Variants in MAGI2 observed in about 807,000 individuals in gnomAD.
MAGI2 encodes membrane associated guanylate kinase, WW and PDZ domain containing 2, also known as membrane-associated guanylate kinase, WW and PDZ domain-containing protein 2.
In MAGI2, 35 loss-of-function variants were observed where a neutral mutation model predicts 133.3. The observed-to-expected ratio is 0.26, with a 90% CI of 0.20 to 0.35. The LOEUF (loss-of-function observed/expected upper bound fraction) is 0.35, where lower values mean the gene tolerates loss of function less well. Among genes scored for constraint, MAGI2 ranks in the 10% least tolerant of loss-of-function variants. The pLI, the probability that MAGI2 is intolerant of heterozygous loss-of-function variation, is 1.00. For synonymous variants in MAGI2, 729 were observed against 710.6 expected, an observed-to-expected ratio of 1.03 and a Z score of -0.41; for missense variants, 1,636 against 1,863.4, an observed-to-expected ratio of 0.88 and a Z score of 2.25.
chr7:79,267,181 G>A (rs1004820068), intron 1 of MAGI2, among the ~76,000 whole-genome samples: 3 of 152,212 alleles, frequency 2.0e-5, no homozygotes, highest in East Asian at 1.9e-4. Flanking sequence ...GGGAGCTCAG[G>A]TCTTAAGTGT....
rs1807866183 is a variant in MAGI2, at chr7:78,017,116, C to T, written c.*2199G>A. ...TTTATTTGACAGTGTTTTAGAATATCATACAGTAAACAAGATTTCTGTAAA... is the reference window on the plus strand; with the variant it reads ...TTTATTTGACAGTGTTTTAGAATATTATACAGTAAACAAGATTTCTGTAAA... On this transcript the variant is annotated 3_prime_UTR_variant, in exon 22 of 22. Transcript: ENST00000354212. The T allele has an allele frequency of 6.6e-6, 1 of 152,616 alleles. No homozygotes were observed. The highest frequency in any genetic ancestry group is 6.5e-5 in the Admixed American group (1 of 15,282). The allele number at this position is 152,616 out of a possible 1,614,324, so 9.5% of individuals were successfully genotyped here. A position where few individuals can be genotyped will look rare whatever the true frequency, so the allele number is the denominator to read the frequency against.
At chr7:78,608,979 G>A (rs1157848189) in intron 3 of MAGI2, among the ~76,000 whole-genome samples, 1 of 152,166 alleles carries the variant, frequency 6.6e-6, no homozygotes, top group Non-Finnish European at 1.5e-5. Flanking sequence ...ATCAAGGAGA[G>A]CCAATCTGAG....
chr7:78,812,673 T>C (rs16886362), intron 2 of MAGI2, among the ~76,000 whole-genome samples: 4,190 of 152,096 alleles, frequency 0.028, 181 homozygotes, highest in African/African-American at 0.097. Flanking sequence ...ACTGGAATAC[T>C]TGATGCTTTC....
At chr7:79,246,879 A>G (rs1374741221) in intron 1 of MAGI2, among the ~76,000 whole-genome samples, 6 of 152,222 alleles carry the variant, frequency 3.9e-5, no homozygotes, top group Non-Finnish European at 8.8e-5. Context: ...AAGCTCAAGG[A>G]TAAAGAAGGA....
intron 1 of MAGI2, among the ~76,000 whole-genome samples, chr7:79,280,062 C>A (rs952954312): frequency 6.6e-6 from 1 of 151,784 alleles, no homozygotes; most frequent in East Asian, 1.9e-4. Flanking sequence ...AATAATCAAC[C>A]AATGTTGAGC....
At chr7:79,047,429 T>C (rs1220026625) in intron 1 of MAGI2, among the ~76,000 whole-genome samples, 1 of 152,112 alleles carries the variant, frequency 6.6e-6, no homozygotes, top group Non-Finnish European at 1.5e-5. Context: ...AAAATAATAA[T>C]ATGGCACAGT....
At chr7:78,951,496 C>G (rs140893892) in intron 2 of MAGI2, among the ~76,000 whole-genome samples, 130 of 152,182 alleles carry the variant, frequency 8.5e-4, no homozygotes, top group African/African-American at 3.0e-3. Context: ...ATGCCAGACG[C>G]TTATAAAACC....
intron 3 of MAGI2, among the ~76,000 whole-genome samples, chr7:78,601,999 C>T (rs1293949686): frequency 6.6e-6 from 1 of 152,062 alleles, no homozygotes; most frequent in Non-Finnish European, 1.5e-5. Context: ...GTAGAATGAG[C>T]CCCACATTTC....
intron 2 of MAGI2, among the ~76,000 whole-genome samples, chr7:78,686,689 C>G (rs1476692954): frequency 6.6e-6 from 1 of 152,028 alleles, no homozygotes; most frequent in Non-Finnish European, 1.5e-5. Context: ...TATTGTCGAG[C>G]TGAGTGCATA....
intron 21 of MAGI2, among the ~76,000 whole-genome samples, chr7:78,032,214 C>T (rs1249346628): frequency 6.6e-6 from 1 of 152,018 alleles, no homozygotes; most frequent in African/African-American, 2.4e-5. Flanking sequence ...ACCCAATACC[C>T]AGCTGCTTTA....
rs563229225 is a variant in MAGI2, at chr7:78,648,360, A to G, written c.419-21121T>C. On this transcript the variant is annotated intron_variant, in intron 2 of 21. Transcript: ENST00000354212. ...GAATAAAAAATGCTCAGTACGTTGC[A>G]GTAATAGGAAGAAGCCTTCATATAC... Among the ~76,000 whole-genome samples, 151 of 152,336 alleles carry G rather than the reference A, an allele frequency of 9.9e-4. 2 individuals carry two copies. In the South Asian group the frequency reaches 0.03, roughly 30 times the overall value.
intron 2 of MAGI2, among the ~76,000 whole-genome samples, chr7:78,636,086 A>G (rs1040285144): frequency 6.6e-6 from 1 of 152,330 alleles, no homozygotes; most frequent in East Asian, 1.9e-4. Flanking sequence ...AAAACCTACA[A>G]TTCAATGAAA....
intron 9 of MAGI2, among the ~76,000 whole-genome samples, chr7:78,303,401 A>AAAAAC (rs1798004240): frequency 6.6e-6 from 1 of 150,930 alleles, no homozygotes; most frequent in Non-Finnish European, 1.5e-5. Flanking sequence ...AAAAAAAAAA[A>AAAAAC]AAGCTCCCTC....
chr7:78,113,638 G>A (rs139447426), intron 20 of MAGI2, among the ~76,000 whole-genome samples: 2 of 152,294 alleles, frequency 1.3e-5, no homozygotes, highest in Non-Finnish European at 2.9e-5. Context: ...TGGTGGGTAG[G>A]AGCTGTAACC....
intron 19 of MAGI2, among the ~76,000 whole-genome samples, chr7:78,126,628 C>T (rs983830372): frequency 2.0e-5 from 3 of 152,154 alleles, no homozygotes; most frequent in Non-Finnish European, 2.9e-5. Context: ...TGACATGAAG[C>T]ACATCAACAA....
intron 2 of MAGI2, among the ~76,000 whole-genome samples, chr7:78,943,632 T>C (rs1479624041): frequency 6.6e-6 from 1 of 152,156 alleles, no homozygotes; most frequent in African/African-American, 2.4e-5. Context: ...ACAGAGAACA[T>C]TTCTTGGAAC....
chr7:79,069,153 T>G (rs551702328), intron 1 of MAGI2, among the ~76,000 whole-genome samples: 3 of 152,284 alleles, frequency 2.0e-5, no homozygotes, highest in African/African-American at 7.2e-5. Context: ...CTGCATATCT[T>G]TGTTAATTTT....
At chr7:78,540,044 G>A (rs1287086242) in intron 3 of MAGI2, among the ~76,000 whole-genome samples, 1 of 152,206 alleles carries the variant, frequency 6.6e-6, no homozygotes, top group African/African-American at 2.4e-5. Context: ...GCTTTCAAGA[G>A]CGCATCAGCT....
chr7:78,791,827 G>A (rs1787174740), intron 2 of MAGI2, among the ~76,000 whole-genome samples: 1 of 152,126 alleles, frequency 6.6e-6, no homozygotes, highest in Admixed American at 6.5e-5. Context: ...TGGGATTACA[G>A]ACATGAGCCA....
Sources: allele counts gnomAD v4.1 joint callset (sites outside exome capture counted in the v4.1 genomes callset), GRCh38; gene constraint gnomAD v4.1.1; transcripts MANE v1.5; gene names NCBI Gene and HGNC (gene_info 2026-07-23, HGNC 2026-07-21).